The following NRXN1 variants were observed in gnomAD, a reference collection of about 807,000 sequenced individuals.
The protein encoded by NRXN1 is neurexin-1.
NRXN1 carries 39 observed loss-of-function variants against 150.9 expected under a neutral mutation model. That is an observed-to-expected ratio of 0.26 (90% CI 0.20 to 0.34). The LOEUF (loss-of-function observed/expected upper bound fraction) is 0.34. Among genes scored for constraint, NRXN1 ranks in the 10% least tolerant of loss-of-function variants. NRXN1 has a pLI of 1.00. For synonymous variants in NRXN1, 924 were observed against 757.0 expected, an observed-to-expected ratio of 1.22 and a Z score of -3.62; for missense variants, 1,815 against 1,949.9, an observed-to-expected ratio of 0.93 and a Z score of 1.30.
chr2:50,964,708 G>A (rs1394541798), intron 2 of NRXN1, among the ~76,000 whole-genome samples: 1 of 151,510 alleles, frequency 6.6e-6, no homozygotes, highest in Admixed American at 6.6e-5. Context: ...TCATGTGGCA[G>A]ATATTCATAA....
At chr2:50,900,767 AACCT>A (rs1372570469) in intron 5 of NRXN1, among the ~76,000 whole-genome samples, 1 of 152,154 alleles carries the variant, frequency 6.6e-6, no homozygotes, top group African/African-American at 2.4e-5. Context: ...GAGAGAGTGA[AACCT>A]AACTAAGAGA....
chr2:50,489,352 T>C (rs939333160), intron 15 of NRXN1, among the ~76,000 whole-genome samples: 4 of 152,084 alleles, frequency 2.6e-5, no homozygotes, highest in African/African-American at 9.7e-5. Flanking sequence ...TCGCTACCAA[T>C]CTCCATCTTG....
chr2:50,464,714 A>G (rs891308725), intron 17 of NRXN1, among the ~76,000 whole-genome samples: 3 of 151,916 alleles, frequency 2.0e-5, no homozygotes, highest in Non-Finnish European at 2.9e-5. Flanking sequence ...GTTTTGTATG[A>G]AATTCTTTTA....
In NRXN1 at chr2:50,922,624, T is replaced by C. The variant is rs202236921; in HGVS notation, c.820+34A>G. 1.3e-4 allele frequency: 216 copies of C among 1,606,960 alleles called. 1 individual carries two copies. In the African/African-American group the frequency reaches 2.5e-3, roughly 19 times the overall value. On this transcript the variant is annotated intron_variant, in intron 4 of 22. Coordinates refer to ENST00000401669, the MANE Select transcript of NRXN1 (RefSeq NM_001330078.2). ...AAGCAGCTACAGAACAAGAAAACAC[T>C]GAAAGCAGAGTGGAAAAGGAACAGA... is the stretch of plus-strand genomic sequence containing the variant.
chr2:50,562,259 T>C (rs1411318950), intron 8 of NRXN1, among the ~76,000 whole-genome samples: 2 of 152,056 alleles, frequency 1.3e-5, no homozygotes, highest in African/African-American at 4.8e-5. Context: ...AGTATAAGTA[T>C]ATAATATACC....
At chr2:50,546,253 G>T (rs1018268693) in intron 9 of NRXN1, among the ~76,000 whole-genome samples, 1 of 152,162 alleles carries the variant, frequency 6.6e-6, no homozygotes, top group Non-Finnish European at 1.5e-5. Flanking sequence ...CCTTATCTCA[G>T]TTAAATGACC....
intron 18 of NRXN1, among the ~76,000 whole-genome samples, chr2:50,181,629 CT>C (rs968490458): frequency 4.7e-4 from 71 of 151,944 alleles, no homozygotes; most frequent in African/African-American, 1.7e-3. Context: ...AGGACTAGGA[CT>C]TTTTTTTAAT....
At chr2:50,236,512 C>G (rs934989986) in intron 18 of NRXN1, among the ~76,000 whole-genome samples, 13 of 146,810 alleles carry the variant, frequency 8.9e-5, no homozygotes, top group Admixed American at 7.6e-4. Context: ...CCTAAAGACA[C>G]TAAAATCACT....
At chr2:50,591,446 A>G (rs1303833319) in intron 8 of NRXN1, among the ~76,000 whole-genome samples, 1 of 150,114 alleles carries the variant, frequency 6.7e-6, no homozygotes, top group Admixed American at 6.7e-5. Flanking sequence ...ATAGATGTAT[A>G]CTAGTCAGGC....
intron 17 of NRXN1, among the ~76,000 whole-genome samples, chr2:50,358,229 G>C (rs928548219): frequency 6.6e-6 from 1 of 152,158 alleles, no homozygotes; most frequent in African/African-American, 2.4e-5. Context: ...CAGCGAGACA[G>C]AACCATTCAC....
At chr2:50,397,292 T>C (rs1398287576) in intron 17 of NRXN1, among the ~76,000 whole-genome samples, 1 of 152,090 alleles carries the variant, frequency 6.6e-6, no homozygotes, top group African/African-American at 2.4e-5. Context: ...GTCTGTCTTG[T>C]GTGCTTTAAG....
chr2:50,289,589 G>T (rs1574946398), intron 17 of NRXN1, among the ~76,000 whole-genome samples: 1 of 152,080 alleles, frequency 6.6e-6, no homozygotes, highest in Non-Finnish European at 1.5e-5. Flanking sequence ...TGAAGTAAAG[G>T]CCATTTCACT....
chr2:50,168,889 C>T (rs2059846510), intron 18 of NRXN1, among the ~76,000 whole-genome samples: 1 of 152,270 alleles, frequency 6.6e-6, no homozygotes. Context: ...ATGCTGTATC[C>T]TTTTCTTTCC....
At chr2:50,966,185 C>T (rs1694039376) in intron 2 of NRXN1, among the ~76,000 whole-genome samples, 1 of 151,574 alleles carries the variant, frequency 6.6e-6, no homozygotes, top group Non-Finnish European at 1.5e-5. Flanking sequence ...ATTCATTTAT[C>T]TCTAAAGTAC....
chr2:50,946,036 T>C (rs1690328249), intron 2 of NRXN1, among the ~76,000 whole-genome samples: 1 of 151,694 alleles, frequency 6.6e-6, no homozygotes, highest in African/African-American at 2.4e-5. Flanking sequence ...CCATAGAGGA[T>C]ACAAACTACA....
rs139869506 is a variant in NRXN1, at chr2:50,169,337, C to T, written c.3546+67452G>A. Among the ~76,000 whole-genome samples, 158 of 152,186 alleles carry T rather than the reference C, an allele frequency of 1.0e-3. 1 individual carries two copies. The highest frequency in any genetic ancestry group is 4.3e-3 in the East Asian group (22 of 5,170). On this transcript the variant is annotated intron_variant, in intron 18 of 22. Coordinates refer to ENST00000401669, the MANE Select transcript of NRXN1 (RefSeq NM_001330078.2). ...ATGAGAACAAGCAATGGGTACCTTGCCCCAGTGGAAAAAGATAAATTCAGG... is the reference window on the plus strand; with the variant it reads ...ATGAGAACAAGCAATGGGTACCTTGTCCCAGTGGAAAAAGATAAATTCAGG...
intron 8 of NRXN1, among the ~76,000 whole-genome samples, chr2:50,578,243 C>T (rs1180590571): frequency 6.6e-6 from 1 of 152,112 alleles, no homozygotes; most frequent in Admixed American, 6.6e-5. Context: ...TCTTAAATCA[C>T]TCTTTTTGAT....
Position 50,931,139 on chromosome 2 carries a change from G to A in NRXN1, c.773-5184C>T, listed in dbSNP as rs185216249. On this transcript the variant is annotated intron_variant, in intron 2 of 22. Coordinates refer to ENST00000401669, the MANE Select transcript of NRXN1 (RefSeq NM_001330078.2). ...GTTCTAGGTTTGCTATCATTAAGAT[G>A]AAAAGTAGGTGAACTCCCACTAATA... Among the ~76,000 whole-genome samples the A allele has an allele frequency of 3.4e-3, 518 of 152,228 alleles. 4 individuals carry two copies. The highest frequency in any genetic ancestry group is 4.1e-3 in the Non-Finnish European group (276 of 68,014).
chr2:50,514,540 G>C (rs1173100881), intron 12 of NRXN1, among the ~76,000 whole-genome samples: 4 of 152,126 alleles, frequency 2.6e-5, no homozygotes, highest in African/African-American at 9.7e-5. Flanking sequence ...ATTCTAATAG[G>C]TCAGAAGTCA....
Sources: allele counts gnomAD v4.1 joint callset (sites outside exome capture counted in the v4.1 genomes callset), GRCh38; gene constraint gnomAD v4.1.1; transcripts MANE v1.5; gene names NCBI Gene and HGNC (gene_info 2026-07-23, HGNC 2026-07-21).